Variants in MSRA observed in about 807,000 individuals in gnomAD.
MSRA encodes methionine sulfoxide reductase A.
MSRA carries 54 observed loss-of-function variants against 31.3 expected under a neutral mutation model. That is an observed-to-expected ratio of 1.73 (90% CI 1.39 to 2.17). MSRA has a LOEUF of 2.17. Ranked by LOEUF, MSRA falls within the 30% of genes most tolerant of loss-of-function variation. The pLI is 0.00. For missense variants in MSRA, 507 were observed against 300.9 expected (o/e 1.69, Z -5.07); for synonymous variants, 169 against 116.5 (o/e 1.45, Z -2.90).
At chr8:10,181,736 G>A (rs1040937398) in intron 1 of MSRA, among the ~76,000 whole-genome samples, 1 of 152,200 alleles carries the variant, frequency 6.6e-6, no homozygotes, top group South Asian at 2.1e-4. Context: ...GGTGAGAAGT[G>A]GTCGTGGTCC....
At chr8:10,068,285 T>C (rs1797561918) in intron 1 of MSRA, among the ~76,000 whole-genome samples, 1 of 152,200 alleles carries the variant, frequency 6.6e-6, no homozygotes, top group South Asian at 2.1e-4. Flanking sequence ...CTTATCTTCT[T>C]GACAGTATCT....
chr8:10,206,191 A>G (rs1808957644), intron 1 of MSRA, among the ~76,000 whole-genome samples: 1 of 152,136 alleles, frequency 6.6e-6, no homozygotes, highest in African/African-American at 2.4e-5. Context: ...CAGATCTTTG[A>G]TCTCCACACG....
chr8:10,177,662 A>G (rs1243068895), intron 1 of MSRA, among the ~76,000 whole-genome samples: 1 of 152,222 alleles, frequency 6.6e-6, no homozygotes, highest in Non-Finnish European at 1.5e-5. Flanking sequence ...GAAATTTAAG[A>G]TCTTTTTGAT....
At chr8:10,111,709 G>T (rs1295355818) in intron 1 of MSRA, among the ~76,000 whole-genome samples, 1 of 152,236 alleles carries the variant, frequency 6.6e-6, no homozygotes, top group Non-Finnish European at 1.5e-5. Flanking sequence ...GAGAAGAGCA[G>T]TCAAAAGCCT....
At chr8:10,089,433 G>A (rs1322967082) in intron 1 of MSRA, among the ~76,000 whole-genome samples, 1 of 152,190 alleles carries the variant, frequency 6.6e-6, no homozygotes, top group Non-Finnish European at 1.5e-5. Flanking sequence ...GTAAAAACTG[G>A]AGGGAAAATG....
chr8:10,305,793 G>C (rs1212320158), intron 4 of MSRA, among the ~76,000 whole-genome samples: 2 of 152,168 alleles, frequency 1.3e-5, no homozygotes, highest in Non-Finnish European at 2.9e-5. Context: ...GTATAGGTGA[G>C]GCCCGAGACC....
chr8:10,232,216 A>G (rs1417329345), intron 2 of MSRA, among the ~76,000 whole-genome samples: 3 of 152,194 alleles, frequency 2.0e-5, no homozygotes, highest in African/African-American at 7.2e-5. Context: ...CACTGAAGGA[A>G]CATGCGGTAA....
At chr8:10,416,775 G>T (rs1808486567) in intron 5 of MSRA, among the ~76,000 whole-genome samples, 1 of 152,220 alleles carries the variant, frequency 6.6e-6, no homozygotes, top group African/African-American at 2.4e-5. Context: ...TGCATTTCTT[G>T]CAAACTTTGC....
chr8:10,323,773 T>TGC (rs1432244990), intron 5 of MSRA, among the ~76,000 whole-genome samples: 131 of 151,090 alleles, frequency 8.7e-4, no homozygotes, highest in Non-Finnish European at 1.5e-3. Context: ...TGTGTGTGTG[T>TGC]GTCTGTGTCT....
At chr8:10,197,752 G>A (rs1808120808) in intron 1 of MSRA, among the ~76,000 whole-genome samples, 1 of 152,134 alleles carries the variant, frequency 6.6e-6, no homozygotes, top group South Asian at 2.1e-4. Flanking sequence ...CCAAGACAGG[G>A]ACAGTGACTT....
At position 10,084,655 on chromosome 8, in the gene MSRA, A is replaced by G. The variant is rs577207120; in HGVS notation, c.142+29997A>G. On this transcript the variant is annotated intron_variant, in intron 1 of 5. Coordinates refer to ENST00000317173, the MANE Select transcript of MSRA (RefSeq NM_012331.5). ...TTTCCTAGGGTGAAAAATGGGGTTGATGATACCCTGATGAGAGGTAGGTAT... is the reference window on the plus strand; with the variant it reads ...TTTCCTAGGGTGAAAAATGGGGTTGGTGATACCCTGATGAGAGGTAGGTAT... 1.4e-4 allele frequency among the ~76,000 whole-genome samples: 22 copies of G among 152,340 alleles called. 2 individuals carry two copies. The South Asian group carries it at 4.6e-3, about 32-fold the overall frequency.
At chr8:10,427,595 G>A (rs1809260775) in intron 5 of MSRA, among the ~76,000 whole-genome samples, 2 of 152,160 alleles carry the variant, frequency 1.3e-5, no homozygotes, top group South Asian at 4.1e-4. Flanking sequence ...AGCGAGTGAG[G>A]GGACACTCTG....
chr8:10,380,254 A>G (rs1805986816), intron 5 of MSRA, among the ~76,000 whole-genome samples: 2 of 151,766 alleles, frequency 1.3e-5, no homozygotes, highest in Admixed American at 6.6e-5. Flanking sequence ...GATGATTCCT[A>G]CTCATGATTT....
At chr8:10,342,519 C>G (rs968029059) in intron 5 of MSRA, among the ~76,000 whole-genome samples, 3 of 152,226 alleles carry the variant, frequency 2.0e-5, no homozygotes, top group East Asian at 1.9e-4. Context: ...CCGGGGGCCT[C>G]TGAGCCGCAC....
rs1397278657 is a variant in MSRA at position 10,173,139 on chromosome 8, C to T, written c.143-34694C>T. On this transcript the variant is annotated intron_variant, in intron 1 of 5. Coordinates refer to ENST00000317173, the MANE Select transcript of MSRA (RefSeq NM_012331.5). ...CAGCCCTTTTTCTGTTCAAAGTCTT[C>T]CTTAATACAAACTGTTTTATTTAAA... 2.6e-5 allele frequency among the ~76,000 whole-genome samples: 4 copies of T among 152,340 alleles called. No homozygotes were observed. In the South Asian group the frequency reaches 8.3e-4, roughly 32 times the overall value.
intron 1 of MSRA, among the ~76,000 whole-genome samples, chr8:10,191,159 T>C (rs1197063124): frequency 6.6e-6 from 1 of 152,232 alleles, no homozygotes; most frequent in Non-Finnish European, 1.5e-5. Flanking sequence ...TTTTAATGTT[T>C]AGATTTTATT....
At chr8:10,367,793 C>T (rs1300121816) in intron 5 of MSRA, among the ~76,000 whole-genome samples, 3 of 152,334 alleles carry the variant, frequency 2.0e-5, no homozygotes, top group Non-Finnish European at 4.4e-5. Flanking sequence ...GTGCCTTCAC[C>T]CACAGCACAT....
chr8:10,303,446 C>G (rs917231020), intron 4 of MSRA, among the ~76,000 whole-genome samples: 1 of 152,140 alleles, frequency 6.6e-6, no homozygotes, highest in African/African-American at 2.4e-5. Flanking sequence ...CTTCTATGGG[C>G]TCTGTGTTTG....
At chr8:10,057,767 C>T (rs578000455) in intron 1 of MSRA, among the ~76,000 whole-genome samples, 10 of 152,298 alleles carry the variant, frequency 6.6e-5, no homozygotes, top group Admixed American at 5.9e-4. Context: ...GTGCCAGCTT[C>T]CTCTTCTGCC....
Sources: allele counts gnomAD v4.1 joint callset (sites outside exome capture counted in the v4.1 genomes callset), GRCh38; gene constraint gnomAD v4.1.1; transcripts MANE v1.5; gene names NCBI Gene and HGNC (gene_info 2026-07-23, HGNC 2026-07-21).